The following OSBPL9 variants were observed in gnomAD, a reference collection of about 807,000 sequenced individuals.
OSBPL9 encodes oxysterol binding protein like 9, also known as oxysterol-binding protein-related protein 9.
In OSBPL9, 40 loss-of-function variants were observed where a neutral mutation model predicts 106.6. The ratio of observed to expected loss-of-function variants is 0.38; its 90% CI spans 0.29 to 0.49. The LOEUF (loss-of-function observed/expected upper bound fraction) is 0.49, where lower values mean the gene tolerates loss of function less well. OSBPL9 is among the 20% of genes least tolerant of loss of function. OSBPL9 has a pLI of 0.97. For missense variants in OSBPL9, 609 were observed against 887.2 expected (o/e 0.69, Z 3.98); for synonymous variants, 269 against 295.4 (o/e 0.91, Z 0.92).
chr1:51,553,925 C>G, the OSBPL9 span, among the ~76,000 whole-genome samples: 1 of 152,142 alleles, frequency 6.6e-6, no homozygotes, highest in South Asian at 2.1e-4. Flanking sequence ...GTGATCCACC[C>G]GCCTCAGCCT....
At chr1:51,607,409 G>A (rs907971602) in intron 2 of OSBPL9, among the ~76,000 whole-genome samples, 1 of 151,958 alleles carries the variant, frequency 6.6e-6, no homozygotes, top group Non-Finnish European at 1.5e-5. Context: ...TGATCTGCCC[G>A]GCTCAGCCTC....
chr1:51,616,881 A>G, upstream of OSBPL9: 1 of 596,692 alleles, frequency 1.7e-6, no homozygotes, highest in Non-Finnish European at 2.8e-6. Flanking sequence ...CAGATTATAA[A>G]TAATCTTAAT....
rs558884021 is a variant in OSBPL9 at position 51,698,588 on chromosome 1, G to A, written c.242-15415G>A. 3.4e-4 allele frequency among the ~76,000 whole-genome samples: 52 copies of A among 152,270 alleles called. 1 individual carries two copies. Among genetic ancestry groups the A allele is most frequent in the African/African-American group, 1.2e-3 (51 of 41,560 alleles). ...AAAATTTGGAGCCCACTGGCTTAGA[G>A]GATGGAAAGCAAGCTGGAAAATATA... On this transcript the variant is annotated intron_variant, in intron 3 of 23. Coordinates refer to ENST00000428468, the MANE Select transcript of OSBPL9 (RefSeq NM_024586.6).
the OSBPL9 span, among the ~76,000 whole-genome samples, chr1:51,549,769 G>T: frequency 3.3e-5 from 5 of 152,232 alleles, no homozygotes; most frequent in Non-Finnish European, 5.9e-5. Flanking sequence ...GGAGGTGGAG[G>T]TTACAGTAAG....
intron 5 of OSBPL9, 55 bp from the exon 6 acceptor site, chr1:51,746,655 G>C: frequency 8.0e-7 from 1 of 1,256,336 alleles, no homozygotes. Flanking sequence ...TTTAGTGAAT[G>C]TACATCGTAT....
chr1:51,551,936 C>T, the OSBPL9 span, among the ~76,000 whole-genome samples: 1 of 148,080 alleles, frequency 6.8e-6, no homozygotes, highest in Non-Finnish European at 1.5e-5. Flanking sequence ...TATTTACATA[C>T]AAAGTTTCAG....
intron 17 of OSBPL9, 54 bp downstream of exon 17, chr1:51,782,697 G>A: frequency 6.5e-7 from 1 of 1,533,236 alleles, no homozygotes; most frequent in South Asian, 1.1e-5. Context: ...TCTGTCTAAA[G>A]AGGGTCATTA....
the OSBPL9 span, among the ~76,000 whole-genome samples, chr1:51,521,112 G>C: frequency 6.6e-6 from 1 of 152,100 alleles, no homozygotes; most frequent in Non-Finnish European, 1.5e-5. Flanking sequence ...ATTTGCCCAG[G>C]GTTATACAAC....
intron 1 of OSBPL9, among the ~76,000 whole-genome samples, chr1:51,594,213 A>G (rs1257096173): frequency 1.3e-5 from 2 of 152,122 alleles, no homozygotes; most frequent in African/African-American, 2.4e-5. Context: ...CCTGACCAAC[A>G]TGGTGAAACC....
At chr1:51,718,459 A>T (rs1207348862) in intron 4 of OSBPL9, among the ~76,000 whole-genome samples, 1 of 152,212 alleles carries the variant, frequency 6.6e-6, no homozygotes, top group Non-Finnish European at 1.5e-5. Flanking sequence ...TACTCCAAAA[A>T]TATATATACC....
At chr1:51,583,139 A>G (rs934358631) in intron 1 of OSBPL9, among the ~76,000 whole-genome samples, 8 of 152,064 alleles carry the variant, frequency 5.3e-5, no homozygotes, top group Admixed American at 1.3e-4. Context: ...GGCAATAATA[A>G]TTATGTGGGG....
chr1:51,660,322 C>G (rs1395193580), intron 2 of OSBPL9, among the ~76,000 whole-genome samples: 1 of 151,888 alleles, frequency 6.6e-6, no homozygotes, highest in Non-Finnish European at 1.5e-5. Flanking sequence ...AAATTTAAAA[C>G]CTTTGAACAA....
At chr1:51,780,201 AT>A (rs1315797536) in intron 15 of OSBPL9, among the ~76,000 whole-genome samples, 3 of 150,450 alleles carry the variant, frequency 2.0e-5, no homozygotes, top group African/African-American at 7.5e-5. Flanking sequence ...GAATGGCCAT[AT>A]TAAAAAAAAA....
intron 6 of OSBPL9, among the ~76,000 whole-genome samples, chr1:51,747,103 G>T (rs1430005741): frequency 1.3e-5 from 2 of 152,118 alleles, no homozygotes; most frequent in Non-Finnish European, 2.9e-5. Flanking sequence ...CCAAGTAGCT[G>T]GGATTACAGG....
chr1:51,575,597 G>T (rs1046320251), upstream of OSBPL9, among the ~76,000 whole-genome samples: 1 of 152,098 alleles, frequency 6.6e-6, no homozygotes, highest in African/African-American at 2.4e-5. Context: ...AGCTGGCTCT[G>T]TCAGCTCCTA....
chr1:51,644,488 C>T (rs901234229), intron 1 of OSBPL9, among the ~76,000 whole-genome samples: 15 of 151,968 alleles, frequency 9.9e-5, no homozygotes, highest in African/African-American at 2.2e-4. Context: ...CCACCACACC[C>T]GGCTAATTTT....
intron 2 of OSBPL9, among the ~76,000 whole-genome samples, chr1:51,654,587 T>TATAGCATTATTTGCAATATTC (rs1265970553): frequency 3.3e-5 from 5 of 152,192 alleles, no homozygotes; most frequent in Non-Finnish European, 7.3e-5. Flanking sequence ...AACATGGATA[T>TATAGCATTATTTGCAATATTC]ATAGCATTAT....
At chr1:51,718,888 C>G (rs1661548377) in intron 4 of OSBPL9, among the ~76,000 whole-genome samples, 1 of 152,168 alleles carries the variant, frequency 6.6e-6, no homozygotes, top group African/African-American at 2.4e-5. Flanking sequence ...TATTCTTGCT[C>G]TTTCCCAAGG....
chr1:51,602,127 T>C (rs1160935714), intron 2 of OSBPL9, among the ~76,000 whole-genome samples: 1 of 145,644 alleles, frequency 6.9e-6, no homozygotes, highest in Non-Finnish European at 1.5e-5. Flanking sequence ...TTCACGCCAT[T>C]CTCCTGCCTC....
Sources: gnomAD v4.1 joint callset for allele counts (sites outside exome capture counted in the v4.1 genomes callset) on GRCh38, gnomAD v4.1.1 for gene constraint, MANE v1.5 for transcripts, NCBI Gene and HGNC (gene_info 2026-07-23, HGNC 2026-07-21) for gene names.